The following SLC25A13 variants were observed in gnomAD, a reference collection of about 807,000 sequenced individuals.
The protein encoded by SLC25A13 is electrogenic aspartate/glutamate antiporter SLC25A13, mitochondrial.
A neutral mutation model predicts 85.5 loss-of-function variants in SLC25A13; 70 were observed. The ratio of observed to expected loss-of-function variants is 0.82; its 90% confidence interval spans 0.68 to 1.00. SLC25A13 has a LOEUF of 1.00. Among genes scored for constraint, SLC25A13 ranks in the 50% least tolerant of loss-of-function variants. SLC25A13 has a pLI of 0.00. For synonymous variants in SLC25A13, 259 were observed against 288.7 expected (o/e 0.90, Z 1.04); for missense variants, 765 against 819.8 (o/e 0.93, Z 0.82).
intron 3 of SLC25A13, among the ~76,000 whole-genome samples, chr7:96,260,443 C>A (rs79031601): frequency 0.021 from 3,146 of 151,926 alleles, 102 homozygotes; most frequent in African/African-American, 0.07. Context: ...ACAAAAAAGA[C>A]CCCAATTCCC....
At chr7:96,134,400 C>A (rs1792174668) in intron 14 of SLC25A13, among the ~76,000 whole-genome samples, 1 of 151,942 alleles carries the variant, frequency 6.6e-6, no homozygotes, top group South Asian at 2.1e-4. Context: ...TAGGAGGAAA[C>A]AGTCACTAAT....
At chr7:96,250,519 G>A (rs982150335) in intron 3 of SLC25A13, among the ~76,000 whole-genome samples, 8 of 152,200 alleles carry the variant, frequency 5.3e-5, no homozygotes, top group African/African-American at 1.9e-4. Flanking sequence ...TGGGACATGA[G>A]TCCAGTCCCT....
chr7:96,208,600 A>G (rs545776520), intron 5 of SLC25A13, among the ~76,000 whole-genome samples: 2 of 151,574 alleles, frequency 1.3e-5, no homozygotes, highest in South Asian at 2.1e-4. Flanking sequence ...CCACCTCCCA[A>G]GTTCACACCA....
intron 14 of SLC25A13, among the ~76,000 whole-genome samples, chr7:96,145,207 T>C (rs945862161): frequency 2.0e-5 from 3 of 152,128 alleles, no homozygotes; most frequent in Non-Finnish European, 4.4e-5. Flanking sequence ...AAGGCAAAAT[T>C]TTCCCCTGCT....
chr7:96,199,207 T>C (rs1259521253), intron 5 of SLC25A13, among the ~76,000 whole-genome samples: 1 of 152,154 alleles, frequency 6.6e-6, no homozygotes, highest in Non-Finnish European at 1.5e-5. Context: ...AAACTGAATA[T>C]GCATCCAGGC....
intron 3 of SLC25A13, among the ~76,000 whole-genome samples, chr7:96,254,684 A>G (rs532391527): frequency 1.7e-4 from 26 of 152,346 alleles, no homozygotes; most frequent in Non-Finnish European, 3.2e-4. Flanking sequence ...AAAGGAGCGT[A>G]TATATAGTAT....
At chr7:96,244,440 G>A (rs1016791973) in intron 3 of SLC25A13, among the ~76,000 whole-genome samples, 2 of 152,226 alleles carry the variant, frequency 1.3e-5, no homozygotes, top group African/African-American at 4.8e-5. Context: ...AAGAGACAAT[G>A]AGTGATTACC....
intron 3 of SLC25A13, among the ~76,000 whole-genome samples, chr7:96,263,381 A>G (rs1022848689): frequency 2.0e-5 from 3 of 152,136 alleles, no homozygotes; most frequent in Non-Finnish European, 2.9e-5. Context: ...CAATCCTTCC[A>G]TAAAATATCT....
chr7:96,287,641 C>A (rs769892308), intron 2 of SLC25A13, among the ~76,000 whole-genome samples: 13 of 152,164 alleles, frequency 8.5e-5, no homozygotes, highest in Non-Finnish European at 1.8e-4. Flanking sequence ...TCTCCAGGGA[C>A]CATGTGGCCT....
chr7:96,259,251 A>C (rs1043426095), intron 3 of SLC25A13, among the ~76,000 whole-genome samples: 1 of 152,248 alleles, frequency 6.6e-6, no homozygotes, highest in African/African-American at 2.4e-5. Context: ...ACAGCGAAAG[A>C]AACTATCATC....
intron 2 of SLC25A13, among the ~76,000 whole-genome samples, chr7:96,293,532 T>C (rs1293060045): frequency 6.6e-6 from 1 of 152,236 alleles, no homozygotes; most frequent in African/African-American, 2.4e-5. Flanking sequence ...TCTACTCATC[T>C]GACAAAGGGC....
chr7:96,290,355 A>C (rs1562908075), intron 2 of SLC25A13, among the ~76,000 whole-genome samples: 1 of 152,212 alleles, frequency 6.6e-6, no homozygotes, highest in Non-Finnish European at 1.5e-5. Flanking sequence ...TGCTAGGGAG[A>C]AACTGTATGA....
intron 2 of SLC25A13, among the ~76,000 whole-genome samples, chr7:96,279,253 A>G (rs1798573748): frequency 6.6e-6 from 1 of 152,162 alleles, no homozygotes; most frequent in Non-Finnish European, 1.5e-5. Context: ...TTCCAGTTTG[A>G]TATTTTTATA....
At chr7:96,152,323 G>A (rs1050352266) in intron 13 of SLC25A13, among the ~76,000 whole-genome samples, 3 of 152,154 alleles carry the variant, frequency 2.0e-5, no homozygotes, top group African/African-American at 7.2e-5. Flanking sequence ...GCCTTGGGAA[G>A]ATGCCTAGGG....
chr7:96,240,048 T>C (rs912911329), intron 3 of SLC25A13, among the ~76,000 whole-genome samples: 3 of 152,220 alleles, frequency 2.0e-5, no homozygotes, highest in African/African-American at 7.2e-5. Context: ...AAAATGATGA[T>C]GGTGCTTCTT....
intron 1 of SLC25A13, among the ~76,000 whole-genome samples, chr7:96,304,125 A>C (rs2117010629): frequency 6.6e-6 from 1 of 152,314 alleles, no homozygotes; most frequent in South Asian, 2.1e-4. Flanking sequence ...CTCATCCTTC[A>C]TCCTACAGTT....
At position 96,122,023 on chromosome 7, in the gene SLC25A13, C is replaced by T. The variant is rs1347785963; in HGVS notation, c.1592-26G>A. The T allele has an allele frequency of 1.9e-6, 3 of 1,613,814 alleles. No individual in the cohort carries two copies. The East Asian group carries it at 6.7e-5, about 36-fold the overall frequency. On this transcript the variant is annotated intron_variant, in intron 15 of 17. Transcript: ENST00000265631. ...CTGCAGGAGAGACACAACACCATCT[C>T]AGTCTGGTCACATTCTCACTATATA... is the stretch of plus-strand genomic sequence containing the variant.
At chr7:96,254,033 ATGTCTGTC>A (rs764157473) in intron 3 of SLC25A13, among the ~76,000 whole-genome samples, 1 of 152,092 alleles carries the variant, frequency 6.6e-6, no homozygotes, top group South Asian at 2.1e-4. Flanking sequence ...GTGTGTGCGC[ATGTCTGTC>A]TGTCTGTCTG....
intron 3 of SLC25A13, among the ~76,000 whole-genome samples, chr7:96,239,037 TTATATATATATATATATA>T (rs58990918): frequency 2.3e-5 from 3 of 130,904 alleles, no homozygotes; most frequent in African/African-American, 6.0e-5. Flanking sequence ...ACTATATATT[TTATATATATATATATATA>T]TATATATATA....
Sources: allele counts gnomAD v4.1 joint callset (sites outside exome capture counted in the v4.1 genomes callset), GRCh38; gene constraint gnomAD v4.1.1; transcripts MANE v1.5; gene names NCBI Gene and HGNC (gene_info 2026-07-23, HGNC 2026-07-21).